The following CDH1 variants were observed in gnomAD, a reference collection of about 807,000 sequenced individuals.
CDH1 encodes the protein cadherin 1.
In CDH1, 35 loss-of-function variants were observed where a neutral mutation model predicts 84.5. The ratio of observed to expected loss-of-function variants is 0.41; its 90% CI spans 0.32 to 0.55. The LOEUF is 0.55. Ranked by LOEUF, CDH1 falls within the 20% of genes least tolerant of loss-of-function variation. The pLI, the probability that CDH1 is intolerant of heterozygous loss-of-function variation, is 0.19. For missense variants in CDH1, 994 were observed against 1,126.6 expected, an observed-to-expected ratio of 0.88 and a Z score of 1.68; for synonymous variants, 417 against 439.0, an observed-to-expected ratio of 0.95 and a Z score of 0.63.
Position 68,808,584 on chromosome 16 carries a change from T to C in CDH1, c.531+17T>C, listed in dbSNP as rs1057520562. ...CTGGTTCAGGTAGAGAAAGAAGTTC[T>C]CTGTTTCTCTGGGAGGGATTTGGCA... On this transcript the variant is annotated intron_variant, in intron 4 of 15. Transcript: ENST00000261769. 4.3e-6 allele frequency: 7 copies of C among 1,614,142 alleles called. No individual in the cohort carries two copies. The Middle Eastern group carries it at 4.9e-4, about 114-fold the overall frequency.
intron 15 of CDH1, among the ~76,000 whole-genome samples, 168 bp downstream of exon 15, chr16:68,829,965 T>C (rs1420126522): frequency 1.4e-5 from 2 of 145,880 alleles, no homozygotes; most frequent in Non-Finnish European, 3.0e-5. Context: ...TTTTCTTTTT[T>C]TTTTTTTTTG....
chr16:68,743,999 C>G (rs1962659543), intron 2 of CDH1, among the ~76,000 whole-genome samples: 1 of 152,194 alleles, frequency 6.6e-6, no homozygotes, highest in Non-Finnish European at 1.5e-5. Context: ...TTGGACGGAA[C>G]ATACATGCCA....
At chr16:68,815,375 T>G in intron 9 of CDH1, 140 bp from the exon 10 acceptor site, 3 of 1,095,044 alleles carry the variant, frequency 2.7e-6, no homozygotes, top group Non-Finnish European at 3.9e-6. Context: ...GTTTCTGCCA[T>G]TGAAAGTCAT....
In CDH1 at chr16:68,741,589, A is replaced by T. The variant is rs1014849764; in HGVS notation, c.163+3178A>T. Among the ~76,000 whole-genome samples, 7 of 151,166 alleles carry T rather than the reference A, an allele frequency of 4.6e-5. No individual in the cohort carries two copies. In the East Asian group the frequency reaches 1.4e-3, roughly 29 times the overall value. Reference sequence around the variant, plus strand: ...GCCCCATGCTGTGGCTGACCCCATGATCTCAACCTTGTATTTATTCCATTG... The same window carrying T: ...GCCCCATGCTGTGGCTGACCCCATGTTCTCAACCTTGTATTTATTCCATTG... On this transcript the variant is annotated intron_variant, in intron 2 of 15. Transcript: ENST00000261769.
chr16:68,790,206 T>G (rs1960170541), intron 2 of CDH1, among the ~76,000 whole-genome samples: 2 of 152,184 alleles, frequency 1.3e-5, no homozygotes, highest in Admixed American at 1.3e-4. Flanking sequence ...GGCCCAGGAC[T>G]TGTTCTCCCA....
chr16:68,758,809 ATTT>A (rs71268475), intron 2 of CDH1, among the ~76,000 whole-genome samples: 1 of 142,376 alleles, frequency 7.0e-6, no homozygotes, highest in Non-Finnish European at 1.5e-5. Context: ...TTTGAGTGCA[ATTT>A]TTTTTTTTTT....
At chr16:68,751,898 T>C (rs1962891062) in intron 2 of CDH1, among the ~76,000 whole-genome samples, 1 of 151,782 alleles carries the variant, frequency 6.6e-6, no homozygotes, top group African/African-American at 2.4e-5. Context: ...GACTCCAGAG[T>C]AGCTGGGATT....
intron 14 of CDH1, among the ~76,000 whole-genome samples, chr16:68,828,639 C>T (rs1002032458): frequency 5.3e-5 from 8 of 152,170 alleles, no homozygotes; most frequent in African/African-American, 9.7e-5. Context: ...ATTCTCTGGA[C>T]GTGAACTTCA....
rs1167723442 is a variant in CDH1, at chr16:68,811,749, A to G, written c.898A>G (p.Ile300Val). Residue 300 changes from isoleucine to valine, a missense_variant, in exon 7 of 16, where the codon ATC (isoleucine) becomes GTC (valine). This residue lies in a region of CDH1 where 769 missense variants were observed against 881.8 expected (regional missense o/e 0.87). Transcript: ENST00000261769. ...DDDVNTYNAA[I>V]AYTILSQDPE... ...TGATGTGAACACCTACAATGCCGCC[A>G]TCGCTTACACCATCCTCAGCCAAGA... 2 of 1,614,152 alleles carry G rather than the reference A, an allele frequency of 1.2e-6. No homozygotes were observed. Among genetic ancestry groups the G allele is most frequent in the Non-Finnish European group, 1.7e-6 (2 of 1,180,022 alleles).
At chr16:68,789,449 A>T (rs147611301) in intron 2 of CDH1, among the ~76,000 whole-genome samples, 70 of 152,260 alleles carry the variant, frequency 4.6e-4, no homozygotes, top group African/African-American at 1.5e-3. Context: ...TCTGAAGGAC[A>T]CATATCAGGT....
intron 3 of CDH1, among the ~76,000 whole-genome samples, chr16:68,807,506 A>T (rs8057241): frequency 0.013 from 1,900 of 151,650 alleles, 35 homozygotes; most frequent in Non-Finnish European, 0.014. Context: ...CCTGCCTCTA[A>T]AAAAATTTAA....
chr16:68,737,553 G>T, intron 1 of CDH1, 90 bp downstream of exon 1: 2 of 1,064,536 alleles, frequency 1.9e-6, no homozygotes, highest in South Asian at 1.4e-5. Context: ...CGTCGTCACC[G>T]CTTCCCTTCT....
chr16:68,773,464 T>A (rs942713796), intron 2 of CDH1, among the ~76,000 whole-genome samples: 2 of 151,988 alleles, frequency 1.3e-5, no homozygotes, highest in African/African-American at 4.8e-5. Flanking sequence ...TCCCAGCTAA[T>A]TTTTTTGTAT....
intron 2 of CDH1, among the ~76,000 whole-genome samples, chr16:68,778,605 A>G (rs1055128619): frequency 1.3e-4 from 20 of 152,150 alleles, no homozygotes; most frequent in Non-Finnish European, 2.4e-4. Context: ...CTACCTGCTG[A>G]AGGAAATGGA....
intron 1 of CDH1, 151 bp downstream of exon 1, chr16:68,737,614 G>C: frequency 1.4e-6 from 1 of 735,394 alleles, no homozygotes; most frequent in Admixed American, 2.3e-5. Context: ...AGCCTCGCGC[G>C]CTCCGGACCC....
intron 13 of CDH1, among the ~76,000 whole-genome samples, chr16:68,827,959 G>C (rs1448587542): frequency 1.3e-5 from 2 of 152,136 alleles, no homozygotes; most frequent in Non-Finnish European, 2.9e-5. Flanking sequence ...GACCATGCTT[G>C]AGTTCACATA....
In CDH1 at chr16:68,740,052, GC is replaced by G. The variant is rs1256317982; in HGVS notation, c.163+1642del. Among the ~76,000 whole-genome samples, 10 of 152,330 alleles carry G rather than the reference GC, an allele frequency of 6.6e-5. 1 individual carries two copies. The highest frequency in any genetic ancestry group is 2.2e-4 in the African/African-American group (9 of 41,590). ...GTTCCACTTGACTGTTGTCCAGGGA[GC>G]AAGGGAAGGGGCTAGTTTCTCTTCT... On this transcript the variant is annotated intron_variant, in intron 2 of 15. Transcript: ENST00000261769.
intron 2 of CDH1, among the ~76,000 whole-genome samples, chr16:68,786,210 C>T (rs140901085): frequency 9.3e-4 from 142 of 151,974 alleles, no homozygotes; most frequent in African/African-American, 2.5e-3. Context: ...CTTGCTCTGT[C>T]GCCCAGGCCG....
chr16:68,808,975 C>T (rs752847910), intron 5 of CDH1, 127 bp downstream of exon 5: 5 of 849,022 alleles, frequency 5.9e-6, no homozygotes, highest in Admixed American at 2.0e-5. Flanking sequence ...CACCTCTTGA[C>T]CTGTTGCTAA....
Sources: allele counts gnomAD v4.1 joint callset (sites outside exome capture counted in the v4.1 genomes callset), GRCh38; gene constraint gnomAD v4.1.1; regional missense constraint gnomAD v4.1.1; transcripts MANE v1.5; gene names NCBI Gene and HGNC (gene_info 2026-07-23, HGNC 2026-07-21).